The following OSBPL10 variants were observed in gnomAD, a reference collection of about 807,000 sequenced individuals.
OSBPL10 encodes oxysterol binding protein like 10, also known as oxysterol-binding protein-related protein 10.
OSBPL10 carries 49 observed loss-of-function variants against 81.7 expected under a neutral mutation model. The observed-to-expected ratio is 0.60, with a 90% confidence interval of 0.48 to 0.76. OSBPL10 has a LOEUF of 0.76. Ranked by LOEUF, OSBPL10 falls within the 30% of genes least tolerant of loss-of-function variation. OSBPL10 has a pLI of 0.00. For missense variants in OSBPL10, 923 were observed against 987.8 expected, an observed-to-expected ratio of 0.93 and a Z score of 0.88; for synonymous variants, 419 against 383.6, an observed-to-expected ratio of 1.09 and a Z score of -1.08.
chr3:31,758,403 A>G (rs992904721), intron 4 of OSBPL10, among the ~76,000 whole-genome samples: 2 of 152,216 alleles, frequency 1.3e-5, no homozygotes, highest in Non-Finnish European at 2.9e-5. Context: ...CCCTGAAAAC[A>G]GAGTTCACAG....
At chr3:31,709,068 T>A (rs1462636095) in intron 6 of OSBPL10, 4 of 982,576 alleles carry the variant, frequency 4.1e-6, no homozygotes, top group African/African-American at 1.7e-5. Flanking sequence ...TGGAGGTAGA[T>A]TCAACAACGA....
At chr3:31,881,898 G>A (rs1209095531) in intron 1 of OSBPL10, among the ~76,000 whole-genome samples, 3 of 152,196 alleles carry the variant, frequency 2.0e-5, no homozygotes, top group African/African-American at 7.2e-5. Flanking sequence ...GAGACTTGAA[G>A]GAATTTAAAA....
chr3:32,028,613 G>A (rs964164336), intron 2 of OSBPL10, among the ~76,000 whole-genome samples: 1 of 151,984 alleles, frequency 6.6e-6, no homozygotes, highest in Non-Finnish European at 1.5e-5. Context: ...TCTTAAATAG[G>A]AAGAAATGTT....
At chr3:31,685,102 G>C (rs2125551522) in intron 7 of OSBPL10, among the ~76,000 whole-genome samples, 1 of 152,294 alleles carries the variant, frequency 6.6e-6, no homozygotes, top group East Asian at 1.9e-4. Context: ...CTCTGAAACT[G>C]GGAAGCCCAT....
At chr3:31,784,936 G>A (rs1698824812) in intron 4 of OSBPL10, among the ~76,000 whole-genome samples, 1 of 151,958 alleles carries the variant, frequency 6.6e-6, no homozygotes, top group Non-Finnish European at 1.5e-5. Context: ...CTGGAGTGAA[G>A]TGCAGTAGTA....
intron 7 of OSBPL10, among the ~76,000 whole-genome samples, chr3:31,695,828 A>T (rs1575481695): frequency 6.6e-6 from 1 of 152,158 alleles, no homozygotes; most frequent in East Asian, 1.9e-4. Flanking sequence ...TCAGCTGGTC[A>T]CTTTCCTGCT....
In OSBPL10 at chr3:31,886,542, C is replaced by T. The variant is rs146454163; in HGVS notation, c.282-6712G>A. 3.9e-4 allele frequency among the ~76,000 whole-genome samples: 59 copies of T among 152,332 alleles called. 2 individuals are homozygous for T. Among genetic ancestry groups the T allele is most frequent in the African/African-American group, 1.3e-3 (55 of 41,584 alleles). ...TTCCTCAGGCCTCTATCTTCTGAGACGCATCTGCTCCAAACTGCTGGACTG... is the reference window on the plus strand; with the variant it reads ...TTCCTCAGGCCTCTATCTTCTGAGATGCATCTGCTCCAAACTGCTGGACTG... On this transcript the variant is annotated intron_variant, in intron 1 of 11. Coordinates refer to ENST00000396556, the MANE Select transcript of OSBPL10 (RefSeq NM_017784.5).
intron 6 of OSBPL10, among the ~76,000 whole-genome samples, chr3:31,724,162 G>A (rs2125645175): frequency 6.6e-6 from 1 of 152,314 alleles, no homozygotes; most frequent in East Asian, 1.9e-4. Flanking sequence ...GGGGAAGGAG[G>A]AGGGAAAACT....
intron 2 of OSBPL10, among the ~76,000 whole-genome samples, chr3:32,006,886 A>C (rs1699211365): frequency 6.6e-6 from 1 of 151,952 alleles, no homozygotes; most frequent in Non-Finnish European, 1.5e-5. Flanking sequence ...AAATGAACCT[A>C]TTCATGGATA....
chr3:31,726,950 C>T (rs919746668), intron 6 of OSBPL10, among the ~76,000 whole-genome samples: 2 of 151,472 alleles, frequency 1.3e-5, no homozygotes, highest in African/African-American at 4.9e-5. Context: ...CTCAAGGAAT[C>T]CTCTCACCTC....
intron 2 of OSBPL10, among the ~76,000 whole-genome samples, chr3:32,003,328 G>C (rs1699169876): frequency 6.6e-6 from 1 of 152,210 alleles, no homozygotes; most frequent in South Asian, 2.1e-4. Flanking sequence ...TGAAAGGCAA[G>C]TAGCCCCCAG....
At chr3:31,887,356 T>A (rs905823902) in intron 1 of OSBPL10, among the ~76,000 whole-genome samples, 14 of 152,196 alleles carry the variant, frequency 9.2e-5, no homozygotes, top group African/African-American at 3.4e-4. Context: ...TTCCCGAGTG[T>A]CCCATATGTT....
At chr3:31,749,415 G>GT (rs1158592505) in intron 4 of OSBPL10, among the ~76,000 whole-genome samples, 4 of 152,268 alleles carry the variant, frequency 2.6e-5, no homozygotes, top group Non-Finnish European at 4.4e-5. Flanking sequence ...CATGCAAATT[G>GT]TTTTTTTGCA....
intron 7 of OSBPL10, among the ~76,000 whole-genome samples, chr3:31,695,843 T>C (rs1324966417): frequency 6.6e-6 from 1 of 152,204 alleles, no homozygotes; most frequent in African/African-American, 2.4e-5. Flanking sequence ...CCTGCTTTTC[T>C]CACTGGGTAA....
At chr3:31,690,741 A>G (rs1695512281) in intron 7 of OSBPL10, among the ~76,000 whole-genome samples, 1 of 152,186 alleles carries the variant, frequency 6.6e-6, no homozygotes, top group Non-Finnish European at 1.5e-5. Flanking sequence ...TGGGAGCAGA[A>G]TTACTATTTC....
intron 2 of OSBPL10, among the ~76,000 whole-genome samples, chr3:32,028,140 C>T (rs1256723761): frequency 6.6e-6 from 1 of 152,126 alleles, no homozygotes; most frequent in Non-Finnish European, 1.5e-5. Context: ...TCTTGTTGCT[C>T]CTGCTAAAGG....
intron 1 of OSBPL10, among the ~76,000 whole-genome samples, chr3:31,924,355 C>T (rs912212337): frequency 8.5e-5 from 13 of 152,180 alleles, no homozygotes; most frequent in African/African-American, 2.9e-4. Flanking sequence ...GGGAGAGAGC[C>T]CCACCACAGA....
At chr3:31,803,719 T>C (rs932401788) in intron 4 of OSBPL10, among the ~76,000 whole-genome samples, 2 of 152,216 alleles carry the variant, frequency 1.3e-5, no homozygotes, top group African/African-American at 2.4e-5. Flanking sequence ...CATGTTGCAT[T>C]TGACTATTAT....
chr3:31,871,055 GA>G (rs1166544156), intron 3 of OSBPL10, among the ~76,000 whole-genome samples: 4 of 152,276 alleles, frequency 2.6e-5, no homozygotes, highest in African/African-American at 9.6e-5. Flanking sequence ...CAATCAGCAG[GA>G]CGTGGGTGGG....
Sources: gnomAD v4.1 joint callset for allele counts (sites outside exome capture counted in the v4.1 genomes callset) on GRCh38, gnomAD v4.1.1 for gene constraint, MANE v1.5 for transcripts, NCBI Gene and HGNC (gene_info 2026-07-23, HGNC 2026-07-21) for gene names.